The following PDCD6 variants were observed in gnomAD, a reference collection of about 807,000 sequenced individuals.
PDCD6 encodes the protein programmed cell death protein 6.
In PDCD6, 12 loss-of-function variants were observed where a neutral mutation model predicts 28.3. That is an observed-to-expected ratio of 0.42 (90% CI 0.27 to 0.69). The LOEUF (loss-of-function observed/expected upper bound fraction) is 0.69. Among genes scored for constraint, PDCD6 ranks in the 30% least tolerant of loss-of-function variants. PDCD6 has a pLI of 0.22. For synonymous variants in PDCD6, 92 were observed against 108.0 expected (o/e 0.85, Z 0.92); for missense variants, 226 against 269.9 (o/e 0.84, Z 1.14).
intron 2 of PDCD6, among the ~76,000 whole-genome samples, chr5:280,888 G>A (rs533417763): frequency 1.3e-5 from 2 of 152,316 alleles, no homozygotes; most frequent in South Asian, 4.1e-4. Flanking sequence ...GGCTGTGGAT[G>A]GGAGCTGGCA....
intron 2 of PDCD6, among the ~76,000 whole-genome samples, chr5:275,709 C>T (rs1202428157): frequency 6.6e-6 from 1 of 152,226 alleles, no homozygotes; most frequent in African/African-American, 2.4e-5. Flanking sequence ...GTTTCTGGTC[C>T]ATCTCACAGC....
chr5:296,405 T>G (rs1208078919), intron 2 of PDCD6, among the ~76,000 whole-genome samples: 1 of 152,132 alleles, frequency 6.6e-6, no homozygotes, highest in Non-Finnish European at 1.5e-5. Flanking sequence ...GCACGTGGCA[T>G]ATTTCAGATG....
intron 5 of PDCD6, chr5:311,775 C>T: frequency 9.0e-6 from 2 of 222,194 alleles, no homozygotes; most frequent in Non-Finnish European, 1.8e-5. Flanking sequence ...CTCACTCCCA[C>T]CTCTGCGTCC....
At chr5:276,532 C>G (rs1738212320) in intron 2 of PDCD6, 12 of 975,058 alleles carry the variant, frequency 1.2e-5, no homozygotes, top group African/African-American at 1.8e-5. Flanking sequence ...AACTCCTAGG[C>G]TCAAGTGATC....
rs1739208913 is a variant in PDCD6, at chr5:289,830, C to T, written c.164-14347C>T. The T allele has an allele frequency of 6.5e-6, 9 of 1,394,518 alleles. No homozygotes were observed. The South Asian group carries it at 6.9e-5, about 11-fold the overall frequency. 86.4% of individuals were successfully genotyped at this position (1,394,518 alleles called of 1,614,324 possible). ...GTGTCCCAGGCCCATTTACATTAGA[C>T]CTCTCAGGATAGCTTGGTGAATTTC... On this transcript the variant is annotated intron_variant, in intron 2 of 5. Coordinates refer to ENST00000264933, the MANE Select transcript of PDCD6 (RefSeq NM_013232.4).
At chr5:279,188 C>G (rs1232238667) in intron 2 of PDCD6, among the ~76,000 whole-genome samples, 1 of 140,302 alleles carries the variant, frequency 7.1e-6, no homozygotes, top group African/African-American at 3.1e-5. Context: ...TTTTGGGCCT[C>G]AGTTTTTCAT....
intron 5 of PDCD6, among the ~76,000 whole-genome samples, chr5:313,140 C>T (rs1741034627): frequency 6.6e-6 from 1 of 152,196 alleles, no homozygotes; most frequent in Admixed American, 6.5e-5. Context: ...GCTGTCCCCA[C>T]CCTTGGAGAG....
intron 2 of PDCD6, among the ~76,000 whole-genome samples, chr5:277,642 G>A (rs1209385647): frequency 1.3e-5 from 2 of 152,032 alleles, no homozygotes; most frequent in African/African-American, 4.8e-5. Context: ...CACCATGTTA[G>A]CTAGGATGGT....
At chr5:286,371 CG>C (rs368317592) in intron 2 of PDCD6, among the ~76,000 whole-genome samples, 5 of 150,920 alleles carry the variant, frequency 3.3e-5, no homozygotes, top group African/African-American at 1.2e-4. Flanking sequence ...GCTGGAGATC[CG>C]GGGGTGAGCT....
intron 2 of PDCD6, among the ~76,000 whole-genome samples, chr5:301,157 A>C (rs1740022878): frequency 6.6e-6 from 1 of 152,228 alleles, no homozygotes; most frequent in African/African-American, 2.4e-5. Context: ...AGCTCCACAC[A>C]GTCAATCCAG....
intron 2 of PDCD6, among the ~76,000 whole-genome samples, chr5:292,505 C>A (rs1325725898): frequency 6.6e-6 from 1 of 152,110 alleles, no homozygotes; most frequent in African/African-American, 2.4e-5. Context: ...GTGATTCTCC[C>A]ACCTCAGCCT....
At chr5:296,066 C>T (rs1259098854) in intron 2 of PDCD6, among the ~76,000 whole-genome samples, 1 of 152,156 alleles carries the variant, frequency 6.6e-6, no homozygotes, top group Non-Finnish European at 1.5e-5. Flanking sequence ...TTCCTTCACA[C>T]TACCTGGGAG....
Position 306,710 on chromosome 5 carries a change from A to G in PDCD6, c.317A>G (p.Asn106Ser). ...GTCTTCCGCACGTACGACCGGGACA[A>G]CTCCGGGATGATCGATAAGAACGAG... ...QNVFRTYDRDNSGMIDKNELK... is the reference protein window; with the variant it reads ...QNVFRTYDRDSSGMIDKNELK... Residue 106 changes from asparagine (N) to serine (S), a missense_variant, in exon 4 of 6, where the codon AAC becomes AGC. Transcript: ENST00000264933. 2 of 1,613,832 alleles carry G rather than the reference A, an allele frequency of 1.2e-6. No individual in the cohort carries two copies. Among genetic ancestry groups the G allele is most frequent in the Non-Finnish European group, 1.7e-6 (2 of 1,180,004 alleles).
rs762284554 is a variant in PDCD6, at chr5:306,621, C to A, written c.228C>A (p.Asn76Lys). 6.2e-7 allele frequency: 1 copy of A among 1,613,800 alleles called. No individual in the cohort carries two copies. ...RSIISMFDRE[N>K]KAGVNFSEFT... ...TCTCAGCCATGTTTGACCGTGAGAA[C>A]AAGGCCGGCGTGAACTTCAGCGAGT... Residue 76 changes from asparagine (N) to lysine (K), a missense_variant, in exon 4 of 6, where the codon AAC (asparagine) becomes AAA (lysine). By Grantham distance (94) the Asn-to-Lys change is moderately conservative (BLOSUM62 0). Around this residue, in one of 3 missense-constraint regions of PDCD6, gnomAD observed 151 missense variants for 177.2 expected, o/e 0.85. Transcript: ENST00000264933.
intron 2 of PDCD6, among the ~76,000 whole-genome samples, chr5:279,783 C>CA (rs35224887): frequency 0.047 from 3,556 of 75,438 alleles, 100 homozygotes; most frequent in East Asian, 0.073. Context: ...AAAGTAATGG[C>CA]AAAAAAAAAA....
chr5:286,141 G>A (rs1013491816), intron 2 of PDCD6, among the ~76,000 whole-genome samples: 3 of 149,822 alleles, frequency 2.0e-5, no homozygotes, highest in South Asian at 2.1e-4. Flanking sequence ...CTGGAGACCC[G>A]GGGGGAGTTG....
chr5:309,970 C>CACCAGTGATGGCCGCCGTCCCCGTGCAT (rs1740794856), intron 4 of PDCD6: 2 of 209,264 alleles, frequency 9.6e-6, no homozygotes. Flanking sequence ...TCCCCGTGCA[C>CACCAGTGATGGCCGCCGTCCCCGTGCAT]ACCAGTGATG....
At chr5:296,672 A>G (rs1739633272) in intron 2 of PDCD6, among the ~76,000 whole-genome samples, 1 of 152,244 alleles carries the variant, frequency 6.6e-6, no homozygotes, top group Admixed American at 6.5e-5. Flanking sequence ...GGCTGCAGGA[A>G]TTCAGTGGAT....
Position 298,700 on chromosome 5 carries a change from T to TCAGCTGCTCCCACC in PDCD6, c.164-5451_164-5438dup, listed in dbSNP as rs1186346020. 8.4e-4 allele frequency among the ~76,000 whole-genome samples: 15 copies of TCAGCTGCTCCCACC among 17,850 alleles called. 2 individuals carry two copies. The highest frequency in any genetic ancestry group is 1.5e-3 in the Admixed American group (2 of 1,356). 11.7% of individuals were successfully genotyped at this position (17,850 alleles called of 152,430 possible). On this transcript the variant is annotated intron_variant, in intron 2 of 5. Coordinates refer to ENST00000264933, the MANE Select transcript of PDCD6 (RefSeq NM_013232.4). ...GCTGCTCCCACTCAGCTGCTCCCAC[T>TCAGCTGCTCCCACC]CAGCTGCTCCCACCCAGCTGCTCCC...
Sources: allele counts gnomAD v4.1 joint callset (sites outside exome capture counted in the v4.1 genomes callset), GRCh38; gene constraint gnomAD v4.1.1; regional missense constraint gnomAD v4.1.1; transcripts MANE v1.5; gene names NCBI Gene and HGNC (gene_info 2026-07-23, HGNC 2026-07-21).